OCLN: variants seen among roughly 807,000 people sequenced by gnomAD.
OCLN encodes the protein phosphatase 1, regulatory subunit 115.
OCLN carries 21 observed loss-of-function variants against 47.9 expected under a neutral mutation model. The ratio of observed to expected loss-of-function variants is 0.44; its 90% CI spans 0.31 to 0.63. OCLN has a LOEUF of 0.63. Ranked by LOEUF, OCLN falls within the 30% of genes least tolerant of loss-of-function variation. OCLN has a pLI of 0.08. For missense variants in OCLN, 360 were observed against 571.0 expected, an observed-to-expected ratio of 0.63 and a Z score of 3.77; for synonymous variants, 117 against 198.4, an observed-to-expected ratio of 0.59 and a Z score of 3.45.
chr5:69,532,845 G>A (rs530756393), intron 4 of OCLN, among the ~76,000 whole-genome samples: 3 of 151,938 alleles, frequency 2.0e-5, no homozygotes, highest in South Asian at 4.2e-4. Context: ...GTGGGTGCCC[G>A]TAATCCCAGC....
At chr5:69,518,162 G>A (rs987799117) in intron 4 of OCLN, among the ~76,000 whole-genome samples, 1 of 152,160 alleles carries the variant, frequency 6.6e-6, no homozygotes, top group Non-Finnish European at 1.5e-5. Flanking sequence ...TGATTAAGGT[G>A]AAAGAACTAC....
intron 1 of OCLN, among the ~76,000 whole-genome samples, chr5:69,495,943 C>T (rs558787831): frequency 6.5e-4 from 99 of 152,036 alleles, no homozygotes; most frequent in Non-Finnish European, 1.2e-3. Context: ...CAGCAATTCT[C>T]AAAATATGTG....
chr5:69,509,174 A>C lies in OCLN; in HGVS notation c.84A>C (p.Ile28=). The C allele has an allele frequency of 6.2e-7, 1 of 1,614,114 alleles. No individual in the cohort carries two copies. ...ATCATTATGCACCAAGCAATGACAT[A>C]TATGGTGGAGAGATGCATGTTCGAC... ...KPNHYAPSND[I]YGGEMHVRPM... Residue 28 remains isoleucine (I), a synonymous_variant, in exon 3 of 9, where the codon ATA becomes ATC. Transcript: ENST00000396442.
At chr5:69,514,731 C>G (rs1031350052) in intron 4 of OCLN, among the ~76,000 whole-genome samples, 2 of 152,112 alleles carry the variant, frequency 1.3e-5, no homozygotes, top group Non-Finnish European at 2.9e-5. Flanking sequence ...TGACTCTTAA[C>G]GAGCATACTG....
At chr5:69,522,251 T>C (rs1364024746) in intron 4 of OCLN, among the ~76,000 whole-genome samples, 1 of 152,236 alleles carries the variant, frequency 6.6e-6, no homozygotes, top group African/African-American at 2.4e-5. Flanking sequence ...TGTAGTTTCG[T>C]TGGTATTTTA....
chr5:69,518,011 A>G (rs529905584), intron 4 of OCLN, among the ~76,000 whole-genome samples: 1 of 152,250 alleles, frequency 6.6e-6, no homozygotes, highest in South Asian at 2.1e-4. Context: ...ACCCGACTCA[A>G]GGGAGACCAA....
At chr5:69,548,855 G>T (rs927836154) in intron 7 of OCLN, among the ~76,000 whole-genome samples, 2 of 150,824 alleles carry the variant, frequency 1.3e-5, no homozygotes, top group Admixed American at 1.3e-4. Context: ...GCTACTCGGG[G>T]AGGCTGAGAC....
chr5:69,522,434 C>A (rs1260398335), intron 4 of OCLN, among the ~76,000 whole-genome samples: 4 of 152,038 alleles, frequency 2.6e-5, no homozygotes, highest in African/African-American at 7.2e-5. Flanking sequence ...AAGCTTTAGA[C>A]CACCAGAAAC....
chr5:69,502,745 G>A (rs184841287), intron 1 of OCLN, among the ~76,000 whole-genome samples: 1 of 152,300 alleles, frequency 6.6e-6, no homozygotes. Context: ...TTATAGGTTA[G>A]GGGGTTGTGT....
Position 69,514,028 on chromosome 5 carries a change from G to C in OCLN, c.810G>C (p.Lys270Asn). Residue 270 changes from lysine to asparagine, a missense_variant, in exon 4 of 9, where the codon AAG (lysine) becomes AAC (asparagine). Physicochemically the swap from Lys to Asn is moderately conservative, Grantham distance 94. Coordinates refer to ENST00000396442, the MANE Select transcript of OCLN (RefSeq NM_001205254.2). ...IIFFAVKTRR[K>N]MDRYDKSNIL... ...TCTTTGCTGTGAAAACTCGAAGAAA[G>C]ATGGACAGGTATGACAAGTCCAATA... 1 of 1,613,718 alleles carries C rather than the reference G, an allele frequency of 6.2e-7. No individual in the cohort carries two copies. The highest frequency in any genetic ancestry group is 1.3e-5 in the African/African-American group (1 of 75,034).
chr5:69,520,549 C>G, intron 4 of OCLN, among the ~76,000 whole-genome samples: 1 of 152,076 alleles, frequency 6.6e-6, no homozygotes, highest in Non-Finnish European at 1.5e-5. Flanking sequence ...TCCTCTGCCT[C>G]CCAAAGTGCT....
intron 3 of OCLN, among the ~76,000 whole-genome samples, chr5:69,512,068 GTTTA>G (rs914198634): frequency 2.0e-4 from 31 of 151,362 alleles, no homozygotes; most frequent in Admixed American, 4.6e-4. Context: ...ATGATGTCCA[GTTTA>G]TTTAATTTTT....
In OCLN at chr5:69,534,803, A is replaced by G; in HGVS notation, c.1001A>G (p.Lys334Arg). ...AYSSNGKVND[K>R]RFYPESSYKS... ...TCTTCCAATGGCAAAGTGAATGACAAGCGGTTTTATCCAGAGTCTTCCTAT... is the reference window on the plus strand; with the variant it reads ...TCTTCCAATGGCAAAGTGAATGACAGGCGGTTTTATCCAGAGTCTTCCTAT... The change falls in exon 5 of 9, where the codon AAG becomes AGG. Residue 334 changes from lysine (K) to arginine (R), a missense_variant. Lys to Arg is a conservative substitution (Grantham distance 26). Transcript: ENST00000396442. The G allele has an allele frequency of 5.1e-6, 7 of 1,385,620 alleles. No homozygotes were observed. The highest frequency in any genetic ancestry group is 7.0e-6 in the Non-Finnish European group (7 of 1,001,194). 85.8% of individuals were successfully genotyped at this position (1,385,620 alleles called of 1,614,324 possible).
chr5:69,528,079 C>T (rs1769331550), intron 4 of OCLN, among the ~76,000 whole-genome samples: 2 of 152,062 alleles, frequency 1.3e-5, no homozygotes, highest in East Asian at 1.9e-4. Context: ...GATGTGGGAC[C>T]GTCTGCCTTC....
intron 4 of OCLN, among the ~76,000 whole-genome samples, chr5:69,522,928 A>C (rs187829786): frequency 3.7e-3 from 361 of 98,334 alleles, no homozygotes; most frequent in African/African-American, 0.014. Context: ...AGAGTTCGCT[A>C]TGTCGCCCAG....
At chr5:69,533,581 C>T (rs550653918) in intron 4 of OCLN, among the ~76,000 whole-genome samples, 6 of 152,264 alleles carry the variant, frequency 3.9e-5, no homozygotes, top group Admixed American at 3.9e-4. Context: ...TAATGCCTCT[C>T]CGGGCCTGAT....
intron 4 of OCLN, among the ~76,000 whole-genome samples, chr5:69,524,172 G>A (rs751524766): frequency 6.6e-6 from 1 of 152,112 alleles, no homozygotes; most frequent in Non-Finnish European, 1.5e-5. Context: ...GACTTCAGGT[G>A]CACAGAAATA....
At chr5:69,505,800 G>A (rs1209312221) in intron 2 of OCLN, among the ~76,000 whole-genome samples, 1 of 152,176 alleles carries the variant, frequency 6.6e-6, no homozygotes, top group African/African-American at 2.4e-5. Flanking sequence ...AGTTTCTCCT[G>A]CTGTTCTGTC....
chr5:69,495,900 A>G (rs889756026), intron 1 of OCLN, among the ~76,000 whole-genome samples: 3 of 152,212 alleles, frequency 2.0e-5, no homozygotes, highest in East Asian at 1.9e-4. Flanking sequence ...TGCAAGATCA[A>G]TGTCCTTTTT....
Sources: gnomAD v4.1 joint callset for allele counts (sites outside exome capture counted in the v4.1 genomes callset) on GRCh38, gnomAD v4.1.1 for gene constraint, MANE v1.5 for transcripts, NCBI Gene and HGNC (gene_info 2026-07-23, HGNC 2026-07-21) for gene names.